Variants in IRF5 observed in about 807,000 individuals in gnomAD.
The protein encoded by IRF5 is interferon regulatory factor 5.
Under a neutral mutation model 55.1 loss-of-function variants are expected in IRF5, and 24 were observed. That is an observed-to-expected ratio of 0.44 (90% CI 0.32 to 0.61). The LOEUF (loss-of-function observed/expected upper bound fraction) is 0.61. IRF5 is among the 20% of genes least tolerant of loss of function. IRF5 has a pLI of 0.07. For missense variants in IRF5, 499 were observed against 658.5 expected (o/e 0.76, Z 2.65); for synonymous variants, 258 against 260.2 (o/e 0.99, Z 0.08).
intron 2 of IRF5, 97 bp from the exon 3 acceptor site, chr7:128,945,748 T>C (rs1796264766): frequency 1.6e-6 from 2 of 1,233,314 alleles, no homozygotes; most frequent in African/African-American, 3.1e-5. Context: ...TAGCCGAAGT[T>C]CTCCCCACAC....
rs1554431767 is a variant in IRF5, at chr7:128,949,692, A to AT, written c.*877dup. 3 of 152,232 alleles carry AT rather than the reference A, an allele frequency of 2.0e-5. No individual in the cohort carries two copies. The highest frequency in any genetic ancestry group is 2.9e-5 in the Non-Finnish European group (2 of 68,042). 9.4% of individuals were successfully genotyped at this position (152,232 alleles called of 1,614,324 possible). On this transcript the variant is annotated 3_prime_UTR_variant, in exon 9 of 9. Transcript: ENST00000357234. ...AAGGGTGGGCTAGCATTGCAGCTGC[A>AT]TTTGGGACCATTCAAATCTGTCACT...
chr7:128,943,873 T>G (rs1334443323), intron 2 of IRF5, among the ~76,000 whole-genome samples: 5 of 151,666 alleles, frequency 3.3e-5, no homozygotes, highest in Admixed American at 1.3e-4. Flanking sequence ...CCAGCCTAAT[T>G]TTTTGATTTT....
chr7:128,947,838 G>A lies in IRF5; in HGVS notation c.897G>A (p.Gln299=), dbSNP rs767924203. 2 of 1,613,970 alleles carry A rather than the reference G, an allele frequency of 1.2e-6. No homozygotes were observed. Among genetic ancestry groups the A allele is most frequent in the Admixed American group, 1.7e-5 (1 of 60,026 alleles). The change falls in exon 7 of 9, where the codon CAG becomes CAA. Residue 299 remains glutamine (Q), a synonymous_variant. Transcript: ENST00000357234. This position sits in a 1 kb window ranked among gnomAD's most constrained non-coding sequence, Gnocchi z 6.5. ...RLFYSQLEAT[Q]EQVELFGPIS... ...TCTACAGCCAGCTGGAGGCCACCCA[G>A]GAGCAGGTGGAACTCTTCGGCCCCA...
chr7:128,946,869 G>A lies in IRF5; in HGVS notation c.448-154G>A. The A allele has an allele frequency of 1.1e-6, 1 of 900,382 alleles. No homozygotes were observed. Among genetic ancestry groups the A allele is most frequent in the Non-Finnish European group, 1.8e-6 (1 of 561,070 alleles). The allele number at this position is 900,382 out of a possible 1,614,324, so 55.8% of individuals were successfully genotyped here. ...CTGACCTGCCTGGGATGGACGAGCTGGGACCGGAGGCAGGGTCTTGCCTGA... is the reference window on the plus strand; with the variant it reads ...CTGACCTGCCTGGGATGGACGAGCTAGGACCGGAGGCAGGGTCTTGCCTGA... On this transcript the variant is annotated intron_variant, in intron 4 of 8. Transcript: ENST00000357234. This position sits in a 1 kb window ranked among gnomAD's most constrained non-coding sequence, Gnocchi z 4.2.
intron 2 of IRF5, among the ~76,000 whole-genome samples, chr7:128,944,002 G>T (rs570515024): frequency 3.9e-5 from 6 of 152,130 alleles, no homozygotes; most frequent in Non-Finnish European, 7.3e-5. Flanking sequence ...AAGCCACTGT[G>T]CTCTCTCCAA....
intron 2 of IRF5, among the ~76,000 whole-genome samples, chr7:128,944,394 A>G (rs1796196343): frequency 6.6e-6 from 1 of 152,160 alleles, no homozygotes; most frequent in African/African-American, 2.4e-5. Context: ...GTCAAAGGCA[A>G]TGCTTATTTT....
chr7:128,947,398 C>G lies in IRF5; in HGVS notation c.650C>G (p.Ala217Gly), dbSNP rs556267493. Reference protein sequence around the residue: ...GPPAPDPSPLAPPPGNPAGFR... With the variant: ...GPPAPDPSPLGPPPGNPAGFR... ...CCTGCTCCAGACCCCAGCCCCCTGG[C>G]TCCTCCCCCTGGCAACCCTGCTGGC... Residue 217 changes from alanine to glycine, a missense_variant, in exon 6 of 9, where the codon GCT (alanine) becomes GGT (glycine). By Grantham distance (60) the Ala-to-Gly change is moderately conservative. This residue lies in a region of IRF5 where 305 missense variants were observed against 340.2 expected (regional missense o/e 0.90). Coordinates refer to ENST00000357234, the MANE Select transcript of IRF5 (RefSeq NM_001098629.3). This position sits in a 1 kb window ranked among gnomAD's most constrained non-coding sequence, Gnocchi z 6.5. 1 of 1,610,698 alleles carries G rather than the reference C, an allele frequency of 6.2e-7. No individual in the cohort carries two copies. Among genetic ancestry groups the G allele is most frequent in the South Asian group, 1.1e-5 (1 of 90,772 alleles).
chr7:128,948,390 C>G lies in IRF5; in HGVS notation c.1299+62C>G. The G allele has an allele frequency of 3.4e-6, 5 of 1,477,440 alleles. No homozygotes were observed. Among genetic ancestry groups the G allele is most frequent in the East Asian group, 2.3e-5 (1 of 44,024 alleles). 91.5% of individuals were successfully genotyped at this position (1,477,440 alleles called of 1,614,324 possible). A position where few individuals can be genotyped will look rare whatever the true frequency, so the allele number is the denominator to read the frequency against. ...AAAACTGGGGAATCCTGGGGCTAGG[C>G]CCTTGCCCCAGGCTGGAGGCTCAGG... On this transcript the variant is annotated intron_variant, in intron 8 of 8. Transcript: ENST00000357234. This position sits in a 1 kb window ranked among gnomAD's most constrained non-coding sequence, Gnocchi z 4.6.
intron 2 of IRF5, among the ~76,000 whole-genome samples, chr7:128,945,148 C>G (rs950857973): frequency 3.9e-5 from 6 of 152,150 alleles, no homozygotes; most frequent in African/African-American, 1.4e-4. Flanking sequence ...GGGTATCACT[C>G]TGTCGTCCAG....
chr7:128,948,854 G>T lies in IRF5; in HGVS notation c.*36G>T. The stretch of plus-strand genomic sequence containing the variant: ...GACGGTGACTGGCCCTGGCTTCCTG[G>T]GTGGCGGTGCGGACTGATGTGGAGA... On this transcript the variant is annotated 3_prime_UTR_variant, in exon 9 of 9. Transcript: ENST00000357234. The surrounding 1 kb of genome is among the most constrained non-coding windows in gnomAD (Gnocchi z 4.6). 6.3e-7 allele frequency: 1 copy of T among 1,587,744 alleles called. No individual in the cohort carries two copies. Among genetic ancestry groups the T allele is most frequent in the South Asian group, 1.1e-5 (1 of 89,938 alleles).
intron 1 of IRF5, among the ~76,000 whole-genome samples, chr7:128,938,991 C>T (rs957031622): frequency 7.0e-6 from 1 of 143,402 alleles, no homozygotes; most frequent in Non-Finnish European, 1.5e-5. Flanking sequence ...GTGGGGGTGG[C>T]TCCGCGGGCT....
intron 1 of IRF5, among the ~76,000 whole-genome samples, chr7:128,941,070 C>A (rs927653014): frequency 6.6e-5 from 10 of 152,226 alleles, no homozygotes; most frequent in African/African-American, 2.4e-4. Context: ...GGGCCAAGGG[C>A]ATGGGTAAGG....
chr7:128,939,093 C>T (rs1212351751), intron 1 of IRF5, among the ~76,000 whole-genome samples: 3 of 151,730 alleles, frequency 2.0e-5, no homozygotes, highest in African/African-American at 7.3e-5. Flanking sequence ...TGGGCCTGGG[C>T]TCCTCGAGGG....
In IRF5 at chr7:128,947,700, ACGG is replaced by A. The variant is rs766820850; in HGVS notation, c.788-28_788-26del. On this transcript the variant is annotated intron_variant, in intron 6 of 8. Transcript: ENST00000357234. This position sits in a 1 kb window ranked among gnomAD's most constrained non-coding sequence, Gnocchi z 6.5. The stretch of plus-strand genomic sequence containing the variant: ...GAATGGGGAGGCGTGGGGCTCAAGG[ACGG>A]GATGGGCCTGCCTTCTGCCCCACAG... The A allele has an allele frequency of 5.6e-5, 88 of 1,565,218 alleles. 3 individuals are homozygous for A. The highest frequency in any genetic ancestry group is 5.5e-4 in the South Asian group (47 of 85,346).
rs1004205214 is a variant in IRF5 at position 128,946,329 on chromosome 7, G to A, written c.386-172G>A. Among the ~76,000 whole-genome samples, 8 of 152,170 alleles carry A rather than the reference G, an allele frequency of 5.3e-5. No homozygotes were observed. Among genetic ancestry groups the A allele is most frequent in the Non-Finnish European group, 8.8e-5 (6 of 68,028 alleles). ...CCTAGGTCTCATGGCCCATGGAGTC[G>A]GGGAGGTCTTTCCCAATCCTGGTGG... On this transcript the variant is annotated intron_variant, in intron 3 of 8. Transcript: ENST00000357234. This position sits in a 1 kb window ranked among gnomAD's most constrained non-coding sequence, Gnocchi z 4.2.
Position 128,942,270 on chromosome 7 carries a change from C to A in IRF5, c.189C>A (p.Ile63=), listed in dbSNP as rs746224710. ...HGPSQDGDNT[I]FKAWAKETGK... is the part of the protein sequence containing the mutation. ...CCAGCCAGGACGGAGATAACACCAT[C>A]TTCAAGGTAAGCCCCGGGGAGGAGG... is the stretch of plus-strand genomic sequence containing the variant. Residue 63 remains isoleucine (I), a synonymous_variant, in exon 2 of 9, where the codon ATC becomes ATA. Transcript: ENST00000357234. 2.0e-5 allele frequency: 32 copies of A among 1,611,028 alleles called. No individual in the cohort carries two copies. The highest frequency in any genetic ancestry group is 2.5e-6 in the Non-Finnish European group (3 of 1,178,204).
intron 1 of IRF5, among the ~76,000 whole-genome samples, chr7:128,939,500 C>A (rs1287323916): frequency 6.6e-6 from 1 of 152,132 alleles, no homozygotes; most frequent in Non-Finnish European, 1.5e-5. Flanking sequence ...TACAGGGAAC[C>A]CCTTGTCCTC....
Position 128,946,044 on chromosome 7 carries a change from C to T in IRF5, c.385+10C>T. The T allele has an allele frequency of 6.3e-7, 1 of 1,575,484 alleles. No individual in the cohort carries two copies. Among genetic ancestry groups the T allele is most frequent in the South Asian group, 1.2e-5 (1 of 86,308 alleles). On this transcript the variant is annotated intron_variant, in intron 3 of 8. Transcript: ENST00000357234. This position sits in a 1 kb window ranked among gnomAD's most constrained non-coding sequence, Gnocchi z 4.2. ...GGCCCTGCTCCCACAGGTATCAGGC[C>T]TAGCCCTCTGTGGGCCACCTGGGAG...
intron 1 of IRF5, among the ~76,000 whole-genome samples, chr7:128,939,885 C>A (rs945540999): frequency 1.3e-5 from 2 of 152,362 alleles, no homozygotes; most frequent in African/African-American, 4.8e-5. Context: ...ACTCCGGAGC[C>A]TGGCAGGCAG....
Sources: gnomAD v4.1 joint callset for allele counts (sites outside exome capture counted in the v4.1 genomes callset) on GRCh38, gnomAD v4.1.1 for gene constraint, gnomAD v4.1.1 regional missense constraint, Gnocchi (gnomAD v3.1) non-coding constraint, MANE v1.5 for transcripts, NCBI Gene and HGNC (gene_info 2026-07-23, HGNC 2026-07-21) for gene names.